CSN3: variants seen among roughly 807,000 people sequenced by gnomAD.
CSN3 encodes casein kappa.
In CSN3, 7 loss-of-function variants were observed where a neutral mutation model predicts 9.9. The observed-to-expected ratio is 0.71, with a 90% CI of 0.40 to 1.33. The LOEUF is 1.33. CSN3 is among the 40% of genes most tolerant of loss of function. The pLI is 0.01. For missense variants in CSN3, 253 were observed against 227.9 expected, an observed-to-expected ratio of 1.11 and a Z score of -0.71; for synonymous variants, 88 against 82.3, an observed-to-expected ratio of 1.07 and a Z score of -0.37.
upstream of CSN3, chr4:70,242,502 C>T (rs957713721): frequency 1.7e-4 from 26 of 151,058 alleles, no homozygotes; most frequent in African/African-American, 6.3e-4. Context: ...GGTGACCCTG[C>T]TATCATCATC....
exon 2 of CSN3, chr4:70,244,840 T>G: frequency 6.4e-7 from 1 of 1,568,742 alleles, no homozygotes; most frequent in East Asian, 2.3e-5. Flanking sequence ...TTCTTCTAGT[T>G]GTCAATGCCC....
intron 1 of CSN3, 23 bp from the exon 2 acceptor site, chr4:70,244,789 T>A (rs1578253233): frequency 9.8e-7 from 1 of 1,022,168 alleles, no homozygotes; most frequent in Non-Finnish European, 1.3e-6. Flanking sequence ...TTTAAATTAA[T>A]TTTTTTTTAA....
At chr4:70,242,941 A>G (rs991590246) in intron 1 of CSN3, among the ~76,000 whole-genome samples, 1 of 152,144 alleles carries the variant, frequency 6.6e-6, no homozygotes, top group African/African-American at 2.4e-5. Context: ...AAGGCGTTTA[A>G]CGTATTCCTA....
upstream of CSN3, among the ~76,000 whole-genome samples, chr4:70,239,151 AAATTTAG>A (rs1730225884): frequency 6.6e-6 from 1 of 151,720 alleles, no homozygotes; most frequent in African/African-American, 2.4e-5. Flanking sequence ...AAGTTCTCCT[AAATTTAG>A]AGTTTGAGGA....
At chr4:70,241,829 T>A (rs1452333790), upstream of CSN3, among the ~76,000 whole-genome samples, 6 of 152,080 alleles carry the variant, frequency 3.9e-5, no homozygotes, top group African/African-American at 1.4e-4. Flanking sequence ...AAGTATGTAG[T>A]CAATGCATAC....
At chr4:70,251,028 C>A (rs1032801336) in intron 4 of CSN3, among the ~76,000 whole-genome samples, 2 of 151,956 alleles carry the variant, frequency 1.3e-5, no homozygotes, top group African/African-American at 4.8e-5. Context: ...ACATATTTTA[C>A]TGATGCAAAA....
exon 4 of CSN3, chr4:70,249,264 T>C (rs1354260813): frequency 1.9e-6 from 3 of 1,614,024 alleles, no homozygotes; most frequent in Non-Finnish European, 2.5e-6. Context: ...CATCATTTAT[T>C]GCCATCCCCC....
chr4:70,245,149 AG>A (rs1730354646), intron 2 of CSN3, among the ~76,000 whole-genome samples: 1 of 152,022 alleles, frequency 6.6e-6, no homozygotes, highest in Admixed American at 6.6e-5. Context: ...AAATACATTC[AG>A]GGGAAAAACA....
exon 4 of CSN3, chr4:70,249,271 C>G: frequency 1.9e-6 from 3 of 1,614,054 alleles, no homozygotes; most frequent in South Asian, 1.1e-5. Flanking sequence ...TATTGCCATC[C>G]CCCCAAAGAA....
upstream of CSN3, among the ~76,000 whole-genome samples, chr4:70,241,833 T>G (rs944096578): frequency 6.6e-6 from 1 of 152,082 alleles, no homozygotes; most frequent in African/African-American, 2.4e-5. Context: ...ATGTAGTCAA[T>G]GCATACGGGA....
At chr4:70,240,444 A>C (rs1468174881), upstream of CSN3, among the ~76,000 whole-genome samples, 1 of 151,946 alleles carries the variant, frequency 6.6e-6, no homozygotes, top group African/African-American at 2.4e-5. Flanking sequence ...CTGTTGATGG[A>C]TGCATAAGTA....
exon 4 of CSN3, chr4:70,249,050 C>T (rs267600232): frequency 6.2e-7 from 1 of 1,613,204 alleles, no homozygotes; most frequent in Non-Finnish European, 8.5e-7. Flanking sequence ...CCATATGTCC[C>T]AATGTATTAT....
rs1730476169 is a variant in CSN3, at chr4:70,251,248, A to T, written c.*35-14A>T. On this transcript the variant is annotated splice_polypyrimidine_tract_variant and intron_variant, in intron 4 of 4. Transcript: ENST00000304954. ...ACTATGAATAAATTTCTAAACTATC[A>T]TTATTTTTTATAGGACTTGCTGAAA... is the stretch of plus-strand genomic sequence containing the variant. The T allele has an allele frequency of 6.6e-6, 1 of 152,146 alleles. No homozygotes were observed. Among genetic ancestry groups the T allele is most frequent in the South Asian group, 2.1e-4 (1 of 4,826 alleles). 9.4% of individuals were successfully genotyped at this position (152,146 alleles called of 1,614,324 possible).
At chr4:70,249,659 C>T (rs6811318) in intron 4 of CSN3, among the ~76,000 whole-genome samples, 166 bp downstream of exon 4, 17,383 of 152,112 alleles carry the variant, frequency 0.11, 1,313 homozygotes, top group East Asian at 0.27. Flanking sequence ...CATTGATACA[C>T]CAGATTCTGT....
chr4:70,240,140 G>C (rs1445355793), upstream of CSN3, among the ~76,000 whole-genome samples: 3 of 151,892 alleles, frequency 2.0e-5, no homozygotes, highest in Non-Finnish European at 4.4e-5. Flanking sequence ...CAGACATGAA[G>C]TACATTTCAA....
chr4:70,242,313 ATTTTAT>A (rs1357380665), upstream of CSN3, among the ~76,000 whole-genome samples: 1 of 122,838 alleles, frequency 8.1e-6, no homozygotes, highest in Non-Finnish European at 1.7e-5. Flanking sequence ...ATTTTATTTT[ATTTTAT>A]TTTTATTATA....
At chr4:70,243,588 C>T (rs1417515535) in intron 1 of CSN3, among the ~76,000 whole-genome samples, 1 of 151,994 alleles carries the variant, frequency 6.6e-6, no homozygotes. Context: ...TTCTGTGAAT[C>T]TTTTTTGCGA....
chr4:70,243,255 T>A, intron 1 of CSN3: 2 of 619,386 alleles, frequency 3.2e-6, no homozygotes, highest in Non-Finnish European at 4.0e-6. Flanking sequence ...TTTTATAGAA[T>A]ATTTTCTTTT....
chr4:70,248,219 A>G (rs1730416932), intron 3 of CSN3, among the ~76,000 whole-genome samples: 1 of 152,132 alleles, frequency 6.6e-6, no homozygotes, highest in South Asian at 2.1e-4. Context: ...ATCTTTGAAT[A>G]CTTCTCATAC....
Sources: allele counts gnomAD v4.1 joint callset (sites outside exome capture counted in the v4.1 genomes callset), GRCh38; gene constraint gnomAD v4.1.1; transcripts MANE v1.5; gene names NCBI Gene and HGNC (gene_info 2026-07-23, HGNC 2026-07-21).